ANO1: variants seen among roughly 807,000 people sequenced by gnomAD.
ANO1 encodes the protein anoctamin 1, also known as anoctamin-1.
In ANO1, 59 loss-of-function variants were observed where a neutral mutation model predicts 124.0. That is an observed-to-expected ratio of 0.48 (90% CI 0.39 to 0.59). ANO1 has a LOEUF of 0.59. Among genes scored for constraint, ANO1 ranks in the 20% least tolerant of loss-of-function variants. ANO1 has a pLI of 0.00. For missense variants in ANO1, 1,059 were observed against 1,328.0 expected, an observed-to-expected ratio of 0.80 and a Z score of 3.15; for synonymous variants, 529 against 532.0, an observed-to-expected ratio of 0.99 and a Z score of 0.08.
At position 70,137,464 on chromosome 11, in the gene ANO1, G is replaced by A. The variant is rs1190747809; in HGVS notation, c.1258+5385G>A. ...CTGTCTGCTGCTCCTTCCCTCCCTC[G>A]CCTTCCTAGAGACCTCAGCACCGGT... On this transcript the variant is annotated intron_variant, in intron 11 of 25. Coordinates refer to ENST00000355303, the MANE Select transcript of ANO1 (RefSeq NM_018043.7). Among the ~76,000 whole-genome samples the A allele has an allele frequency of 4.9e-5, 5 of 101,958 alleles. No individual in the cohort carries two copies. In the East Asian group the frequency reaches 1.3e-3, roughly 26 times the overall value. 66.9% of individuals were successfully genotyped at this position (101,958 alleles called of 152,430 possible).
chr11:70,111,114 A>G (rs1459053185), intron 6 of ANO1: 1 of 456,556 alleles, frequency 2.2e-6, no homozygotes, highest in Admixed American at 2.4e-5. Flanking sequence ...CTAATAGCCA[A>G]TGTATAAACA....
upstream of ANO1, among the ~76,000 whole-genome samples, chr11:69,983,513 C>T (rs1430468843): frequency 2.0e-5 from 3 of 152,206 alleles, no homozygotes; most frequent in African/African-American, 4.8e-5. Context: ...CCCAGGGTGT[C>T]GGGGAGGCCC....
intron 1 of ANO1, among the ~76,000 whole-genome samples, chr11:70,033,215 C>T (rs1456636221): frequency 6.6e-6 from 1 of 152,136 alleles, no homozygotes; most frequent in African/African-American, 2.4e-5. Flanking sequence ...CCTGCTTGCT[C>T]CCGTTTTCCT....
chr11:70,134,134 C>T (rs2046864970), intron 11 of ANO1, among the ~76,000 whole-genome samples: 1 of 152,226 alleles, frequency 6.6e-6, no homozygotes, highest in Admixed American at 6.5e-5. Context: ...AGCCCCGAGG[C>T]ACCTCGCTGC....
chr11:70,068,202 C>T (rs142222918), intron 1 of ANO1, among the ~76,000 whole-genome samples: 241 of 152,260 alleles, frequency 1.6e-3, no homozygotes, highest in African/African-American at 5.3e-3. Context: ...CCATCCTTGC[C>T]CCTAGGGAGA....
At chr11:69,967,968 C>T in the ANO1 span, among the ~76,000 whole-genome samples, 15 of 152,114 alleles carry the variant, frequency 9.9e-5, 1 homozygote, top group Admixed American at 3.3e-4. Context: ...TGCTGTGTCT[C>T]GCATTGATCT....
intron 9 of ANO1, among the ~76,000 whole-genome samples, chr11:70,125,751 G>C (rs991282627): frequency 1.3e-5 from 2 of 151,266 alleles, no homozygotes; most frequent in Non-Finnish European, 2.9e-5. Context: ...GGCTGAGGCA[G>C]GAGAATGGCG....
chr11:69,976,537 AAAAAAAAAAAAAAAAAAGAG>A, the ANO1 span, among the ~76,000 whole-genome samples: 24 of 54,326 alleles, frequency 4.4e-4, no homozygotes, highest in African/African-American at 1.0e-3. Flanking sequence ...AAAAAAAAAA[AAAAAAAAAAAAAAAAAAGAG>A]AGAGAGAGAG....
At chr11:70,182,010 C>G (rs1346955501) in intron 23 of ANO1, among the ~76,000 whole-genome samples, 1 of 151,942 alleles carries the variant, frequency 6.6e-6, no homozygotes, top group African/African-American at 2.4e-5. Context: ...GGTTTCCTCT[C>G]TTGTAAGGGC....
intron 1 of ANO1, among the ~76,000 whole-genome samples, chr11:69,986,720 T>C (rs529671923): frequency 1.2e-4 from 18 of 152,092 alleles, no homozygotes; most frequent in African/African-American, 4.3e-4. Context: ...AGTCCCTGAC[T>C]TCCTCCCCCC....
intron 1 of ANO1, among the ~76,000 whole-genome samples, chr11:70,080,935 A>G (rs2135179761): frequency 6.6e-6 from 1 of 152,344 alleles, no homozygotes; most frequent in Non-Finnish European, 1.5e-5. Flanking sequence ...CACTCAAGCC[A>G]ACAGTTGTTG....
chr11:70,081,238 T>C (rs1272586530), intron 1 of ANO1, among the ~76,000 whole-genome samples: 1 of 152,210 alleles, frequency 6.6e-6, no homozygotes, highest in Non-Finnish European at 1.5e-5. Context: ...TTGTTTCCAT[T>C]TCCCTCTGTT....
intron 8 of ANO1, among the ~76,000 whole-genome samples, chr11:70,121,521 C>T (rs959837671): frequency 8.2e-5 from 12 of 146,694 alleles, no homozygotes; most frequent in Non-Finnish European, 1.6e-4. Context: ...CTCTGTCTCT[C>T]CATCTGCCTC....
At chr11:70,013,531 G>A (rs782255593) in intron 1 of ANO1, among the ~76,000 whole-genome samples, 10 of 152,244 alleles carry the variant, frequency 6.6e-5, no homozygotes, top group Non-Finnish European at 1.3e-4. Flanking sequence ...CCAGCACTTT[G>A]GGAGGCCAAG....
At chr11:70,152,964 T>TA (rs2047664258) in intron 13 of ANO1, 93 bp from the exon 14 acceptor site, 1 of 1,107,012 alleles carries the variant, frequency 9.0e-7, no homozygotes, top group Non-Finnish European at 1.3e-6. Flanking sequence ...TGCCCGAGGC[T>TA]AATACATGGA....
At chr11:70,035,535 TATAC>T (rs1326011437) in intron 1 of ANO1, among the ~76,000 whole-genome samples, 5 of 151,710 alleles carry the variant, frequency 3.3e-5, no homozygotes, top group African/African-American at 9.7e-5. Context: ...TATATATATA[TATAC>T]TTTAAGTTCT....
chr11:70,041,821 A>G (rs945058536), intron 1 of ANO1, among the ~76,000 whole-genome samples: 8 of 152,140 alleles, frequency 5.3e-5, no homozygotes, highest in African/African-American at 1.9e-4. Flanking sequence ...TTCAAGAGGA[A>G]AGAACAGGGG....
chr11:70,078,538 G>T lies in ANO1; in HGVS notation c.-69G>T, dbSNP rs2044098649. ...GCCGCGAACGCTGCGGTCTCCGCCC[G>T]CAGAGGCCGCCGGGGCCGTGGATGG... On this transcript the variant is annotated 5_prime_UTR_variant, in exon 1 of 26. Coordinates refer to ENST00000355303, the MANE Select transcript of ANO1 (RefSeq NM_018043.7). 1.7e-6 allele frequency: 2 copies of T among 1,144,212 alleles called. No homozygotes were observed. Among genetic ancestry groups the T allele is most frequent in the Non-Finnish European group, 1.1e-6 (1 of 871,072 alleles). 70.9% of individuals were successfully genotyped at this position (1,144,212 alleles called of 1,614,324 possible).
chr11:70,174,081 G>A (rs899699107), intron 22 of ANO1, among the ~76,000 whole-genome samples: 1 of 150,570 alleles, frequency 6.6e-6, no homozygotes, highest in African/African-American at 2.4e-5. Context: ...GACTACAGGT[G>A]CCCGCCACCA....
Sources: gnomAD v4.1 joint callset for allele counts (sites outside exome capture counted in the v4.1 genomes callset) on GRCh38, gnomAD v4.1.1 for gene constraint, MANE v1.5 for transcripts, NCBI Gene and HGNC (gene_info 2026-07-23, HGNC 2026-07-21) for gene names.